Variants in PACSIN3 observed in about 807,000 individuals in gnomAD.
The protein encoded by PACSIN3 is protein kinase C and casein kinase substrate in neurons 3, also known as protein kinase C and casein kinase substrate in neurons protein 3.
In PACSIN3, 34 loss-of-function variants were observed where a neutral mutation model predicts 56.1. The ratio of observed to expected loss-of-function variants is 0.61; its 90% CI spans 0.46 to 0.81. The LOEUF (loss-of-function observed/expected upper bound fraction) is 0.81, where lower values mean the gene tolerates loss of function less well. PACSIN3 is among the 30% of genes least tolerant of loss of function. The pLI, the probability that PACSIN3 is intolerant of heterozygous loss-of-function variation, is 0.00. For synonymous variants in PACSIN3, 218 were observed against 229.8 expected (o/e 0.95, Z 0.46); for missense variants, 535 against 592.4 (o/e 0.90, Z 1.01).
chr11:47,180,255 G>A lies in PACSIN3; in HGVS notation c.534C>T (p.Ser178=), dbSNP rs757754662. 3.8e-5 allele frequency: 61 copies of A among 1,603,700 alleles called. No individual in the cohort carries two copies. In the Admixed American group the frequency reaches 9.2e-4, roughly 24 times the overall value. Residue 178 remains serine (S), a synonymous_variant, in exon 6 of 11, where the codon AGC becomes AGT. Transcript: ENST00000298838. ...TGCGCAGCTGCTCCTGGGAGACGGC[G>A]CTGTCTGCCTTTGCGTGGCTCTCCC... ...QTRESHAKAD[S]AVSQEQLRKL...
chr11:47,179,826 T>A lies in PACSIN3; in HGVS notation c.604-240A>T, dbSNP rs549223453. The A allele has an allele frequency of 5.3e-6, 3 of 566,088 alleles. No individual in the cohort carries two copies. The South Asian group carries it at 7.2e-5, about 14-fold the overall frequency. The allele number at this position is 566,088 out of a possible 1,614,324, so 35.1% of individuals were successfully genotyped here. On this transcript the variant is annotated intron_variant, in intron 6 of 10. Transcript: ENST00000298838. The surrounding 1 kb of genome is among the most constrained non-coding windows in gnomAD (Gnocchi z 4.4). The stretch of plus-strand genomic sequence containing the variant: ...AATGAGGTCAACCTACAGGAAAGGA[T>A]GGGAGAAATCAGAAAAGGCTTCCTG...
In PACSIN3 at chr11:47,179,647, G is replaced by C; in HGVS notation, c.604-61C>G. On this transcript the variant is annotated intron_variant, in intron 6 of 10. Coordinates refer to ENST00000298838, the MANE Select transcript of PACSIN3 (RefSeq NM_016223.5). The surrounding 1 kb of genome is among the most constrained non-coding windows in gnomAD (Gnocchi z 4.4). ...CCTTCTTCCACCCAGGACTCCACCAGTGTTTACCAGACACTGCCATAGGCT... is the reference window on the plus strand; with the variant it reads ...CCTTCTTCCACCCAGGACTCCACCACTGTTTACCAGACACTGCCATAGGCT... 1 of 1,535,880 alleles carries C rather than the reference G, an allele frequency of 6.5e-7. No homozygotes were observed. Among genetic ancestry groups the C allele is most frequent in the Non-Finnish European group, 8.9e-7 (1 of 1,127,386 alleles).
chr11:47,177,793 G>C lies in PACSIN3; in HGVS notation c.*138C>G, dbSNP rs527729365. 1.4e-6 allele frequency: 1 copy of C among 709,306 alleles called. No individual in the cohort carries two copies. The highest frequency in any genetic ancestry group is 1.6e-5 in the South Asian group (1 of 63,414). The allele number at this position is 709,306 out of a possible 1,614,324, so 43.9% of individuals were successfully genotyped here. The stretch of plus-strand genomic sequence containing the variant: ...TAGACAAAGGCCCCTCCCCTCCCTG[G>C]GTCCCAGGACTTCCTCCCTCAAGGG... On this transcript the variant is annotated 3_prime_UTR_variant, in exon 11 of 11. Coordinates refer to ENST00000298838, the MANE Select transcript of PACSIN3 (RefSeq NM_016223.5).
chr11:47,181,805 C>T (rs1285604826), intron 4 of PACSIN3, among the ~76,000 whole-genome samples: 5 of 151,950 alleles, frequency 3.3e-5, no homozygotes, highest in African/African-American at 9.7e-5. Context: ...TGTACCACTG[C>T]ACTCCAGCCT....
In PACSIN3 at chr11:47,186,381, GTCCGGCCACGC is replaced by G. The variant is rs1398545965; in HGVS notation, c.-147_-137del. The G allele has an allele frequency of 1.3e-5, 2 of 151,294 alleles. No homozygotes were observed. The highest frequency in any genetic ancestry group is 2.4e-5 in the African/African-American group (1 of 41,330). 9.4% of individuals were successfully genotyped at this position (151,294 alleles called of 1,614,324 possible). The stretch of plus-strand genomic sequence containing the variant: ...TCCCTGGGCCCCTCGGCGGGTGGGG[GTCCGGCCACGC>G]TCCGGCCCGAGTCCTGCCGCTCCTG... On this transcript the variant is annotated 5_prime_UTR_variant, in exon 1 of 11. Transcript: ENST00000298838. The surrounding 1 kb of genome is among the most constrained non-coding windows in gnomAD (Gnocchi z 4.5).
chr11:47,178,277 T>C lies in PACSIN3; in HGVS notation c.1159+89A>G. The C allele has an allele frequency of 6.6e-7, 1 of 1,526,440 alleles. No homozygotes were observed. Among genetic ancestry groups the C allele is most frequent in the South Asian group, 1.2e-5 (1 of 83,516 alleles). The allele number at this position is 1,526,440 out of a possible 1,614,324, so 94.6% of individuals were successfully genotyped here. A position where few individuals can be genotyped will look rare whatever the true frequency, so the allele number is the denominator to read the frequency against. The stretch of plus-strand genomic sequence containing the variant: ...GCTGAAGGGACAGAGGACTGGCCCT[T>C]AAGAAGTGGGTATTTGGCTTCCCTT... On this transcript the variant is annotated intron_variant, in intron 10 of 10. Coordinates refer to ENST00000298838, the MANE Select transcript of PACSIN3 (RefSeq NM_016223.5). The surrounding 1 kb of genome is among the most constrained non-coding windows in gnomAD (Gnocchi z 4.2).
chr11:47,179,669 G>GGCTGCTAGACCCAGGGCTA lies in PACSIN3; in HGVS notation c.604-102_604-84dup. The GGCTGCTAGACCCAGGGCTA allele has an allele frequency of 1.4e-6, 2 of 1,414,440 alleles. No individual in the cohort carries two copies. Among genetic ancestry groups the GGCTGCTAGACCCAGGGCTA allele is most frequent in the Non-Finnish European group, 9.7e-7 (1 of 1,036,100 alleles). The allele number at this position is 1,414,440 out of a possible 1,614,324, so 87.6% of individuals were successfully genotyped here. Reference sequence around the variant, plus strand: ...CCAGTGTTTACCAGACACTGCCATAGGCTGCTAGACCCAGGGCTAGCCACT... The same window carrying GGCTGCTAGACCCAGGGCTA: ...CCAGTGTTTACCAGACACTGCCATAGGCTGCTAGACCCAGGGCTAGCTGCTAGACCCAGGGCTAGCCACT... On this transcript the variant is annotated intron_variant, in intron 6 of 10. Transcript: ENST00000298838. The surrounding 1 kb of genome is among the most constrained non-coding windows in gnomAD (Gnocchi z 4.4).
chr11:47,180,413 A>C, intron 5 of PACSIN3, 42 bp downstream of exon 5: 2 of 1,595,230 alleles, frequency 1.3e-6, no homozygotes, highest in Non-Finnish European at 1.7e-6. Context: ...GCAAACAAAC[A>C]GGAAGGAGCC....
chr11:47,182,860 TC>T, intron 2 of PACSIN3, 96 bp from the exon 3 acceptor site: 1 of 866,728 alleles, frequency 1.2e-6, no homozygotes, highest in Non-Finnish European at 1.7e-6. Flanking sequence ...CCCACTGCCA[TC>T]CCCACCACCC....
rs543705339 is a variant in PACSIN3 at position 47,180,533 on chromosome 11, C to G, written c.369G>C (p.Leu123=). 9.3e-5 allele frequency: 149 copies of G among 1,604,130 alleles called. 1 individual carries two copies. Among genetic ancestry groups the G allele is most frequent in the Non-Finnish European group, 1.2e-4 (138 of 1,179,506 alleles). The stretch of plus-strand genomic sequence containing the variant: ...CCGCCCGGCTCTCGCGGAAGCCGCC[C>G]AGCACAGGCCGGTGGAAAGCCCCCC... The part of the protein sequence containing the change: ...WQRGAFHRPV[L]GGFRESRAAE... The change falls in exon 5 of 11, where the codon CTG becomes CTC. Residue 123 remains leucine (L), a synonymous_variant. Coordinates refer to ENST00000298838, the MANE Select transcript of PACSIN3 (RefSeq NM_016223.5).
chr11:47,177,684 A>G lies in PACSIN3; in HGVS notation c.*247T>C. 5.6e-6 allele frequency: 3 copies of G among 533,526 alleles called. No individual in the cohort carries two copies. The highest frequency in any genetic ancestry group is 3.3e-5 in the East Asian group (1 of 30,436). 33.0% of individuals were successfully genotyped at this position (533,526 alleles called of 1,614,324 possible). A position where few individuals can be genotyped will look rare whatever the true frequency, so the allele number is the denominator to read the frequency against. ...GAGTCCACAGCTCCTGGGGAGGCCCAGGCACCCCTGAACGCTTCTGTCACC... is the reference window on the plus strand; with the variant it reads ...GAGTCCACAGCTCCTGGGGAGGCCCGGGCACCCCTGAACGCTTCTGTCACC... On this transcript the variant is annotated 3_prime_UTR_variant, in exon 11 of 11. Coordinates refer to ENST00000298838, the MANE Select transcript of PACSIN3 (RefSeq NM_016223.5).
In PACSIN3 at chr11:47,179,868, C is replaced by T. The variant is rs780523265; in HGVS notation, c.604-282G>A. ...GGCTTCCTGGAGGAGGTGGAAACTG[C>T]AGCATCTCAGGATGGGGAGGATTTG... is the stretch of plus-strand genomic sequence containing the variant. On this transcript the variant is annotated intron_variant, in intron 6 of 10. Transcript: ENST00000298838. The surrounding 1 kb of genome is among the most constrained non-coding windows in gnomAD (Gnocchi z 4.4). 1.2e-4 allele frequency: 68 copies of T among 557,808 alleles called. 1 individual carries two copies. Among genetic ancestry groups the T allele is most frequent in the Non-Finnish European group, 1.7e-4 (54 of 315,460 alleles). The allele number at this position is 557,808 out of a possible 1,614,324, so 34.6% of individuals were successfully genotyped here.
At position 47,179,468 on chromosome 11, in the gene PACSIN3, A is replaced by G. The variant is rs749939339; in HGVS notation, c.722T>C (p.Phe241Ser). Residue 241 changes from phenylalanine (F) to serine (S), a missense_variant, in exon 7 of 11, where the codon TTC (phenylalanine) becomes TCC (serine). Physicochemically the swap from Phe to Ser is radical, Grantham distance 155 (BLOSUM62 -2). Transcript: ENST00000298838. This position sits in a 1 kb window ranked among gnomAD's most constrained non-coding sequence, Gnocchi z 4.4. ...TAAGGTGAGCAGCATATCCTTGAAG[A>G]AAAGAAGCCGCTGGCGCTCGGCGGC... Reference protein sequence around the residue: ...CQAAERQRLLFFKDMLLTLHQ... With the variant: ...CQAAERQRLLSFKDMLLTLHQ... 2 of 1,614,030 alleles carry G rather than the reference A, an allele frequency of 1.2e-6. No individual in the cohort carries two copies.
intron 4 of PACSIN3, 123 bp downstream of exon 4, chr11:47,182,280 T>C: frequency 1.1e-6 from 1 of 892,070 alleles, no homozygotes; most frequent in Non-Finnish European, 1.7e-6. Flanking sequence ...ACCAGGAGGA[T>C]CTTCCCTTTC....
Position 47,178,298 on chromosome 11 carries a change from C to T in PACSIN3, c.1159+68G>A. ...CCCTTAAGAAGTGGGTATTTGGCTT[C>T]CCTTTCTGACACCCCTGCTCAGGCA... On this transcript the variant is annotated intron_variant, in intron 10 of 10. Coordinates refer to ENST00000298838, the MANE Select transcript of PACSIN3 (RefSeq NM_016223.5). The surrounding 1 kb of genome is among the most constrained non-coding windows in gnomAD (Gnocchi z 4.2). 1 of 1,585,018 alleles carries T rather than the reference C, an allele frequency of 6.3e-7. No homozygotes were observed. The highest frequency in any genetic ancestry group is 1.1e-5 in the South Asian group (1 of 87,914).
Position 47,182,720 on chromosome 11 carries a change from G to A in PACSIN3, c.8C>T (p.Pro3Leu). Reference protein sequence around the residue: MAPEEDAGGEALG... With the variant: MALEEDAGGEALG... The stretch of plus-strand genomic sequence containing the variant: ...GGCCTCCCCTCCAGCGTCCTCTTCT[G>A]GAGCCATGGTGTCCCCGCAGCACGG... Residue 3 changes from proline to leucine, a missense_variant, in exon 3 of 11, where the codon CCA (proline) becomes CTA (leucine). By Grantham distance (98) the Pro-to-Leu change is moderately conservative. Coordinates refer to ENST00000298838, the MANE Select transcript of PACSIN3 (RefSeq NM_016223.5). The A allele has an allele frequency of 6.2e-7, 1 of 1,612,594 alleles. No individual in the cohort carries two copies. Among genetic ancestry groups the A allele is most frequent in the Non-Finnish European group, 8.5e-7 (1 of 1,179,322 alleles).
In PACSIN3 at chr11:47,180,694, C is replaced by A; in HGVS notation, c.212-4G>T. On this transcript the variant is annotated splice_polypyrimidine_tract_variant and splice_region_variant and intron_variant, in intron 4 of 10. Transcript: ENST00000298838. ...TCCAGTGTGCCATACTGGGGGCCTG[C>A]AGGGAGGGACAGGGCTTAGGCCAGG... 3.1e-6 allele frequency: 5 copies of A among 1,588,644 alleles called. No individual in the cohort carries two copies. The South Asian group carries it at 5.6e-5, about 18-fold the overall frequency.
At position 47,178,011 on chromosome 11, in the gene PACSIN3, G is replaced by C. The variant is rs755999542; in HGVS notation, c.1195C>G (p.Gln399Glu). Residue 399 changes from glutamine (Q) to glutamate (E), a missense_variant, in exon 11 of 11, where the codon CAG (glutamine) becomes GAG (glutamate). Transcript: ENST00000298838. This position sits in a 1 kb window ranked among gnomAD's most constrained non-coding sequence, Gnocchi z 4.2. ...ELLKMSEEDEQGWCQGQLQSG... is the reference protein window; with the variant it reads ...ELLKMSEEDEEGWCQGQLQSG... The stretch of plus-strand genomic sequence containing the variant: ...TGCAACTGGCCTTGGCACCAGCCCT[G>C]CTCGTCCTCCTCACTCATCTTCAGC... 53 of 1,613,912 alleles carry C rather than the reference G, an allele frequency of 3.3e-5. No homozygotes were observed. The highest frequency in any genetic ancestry group is 4.2e-5 in the Non-Finnish European group (50 of 1,179,950).
chr11:47,177,988 C>T lies in PACSIN3; in HGVS notation c.1218G>A (p.Leu406=). The change falls in exon 11 of 11, where the codon TTG becomes TTA. Residue 406 remains leucine, a synonymous_variant. Coordinates refer to ENST00000298838, the MANE Select transcript of PACSIN3 (RefSeq NM_016223.5). ...EDEQGWCQGQ[L]QSGRIGLYPA... ...GGTACAGGCCAATGCGGCCACTCTG[C>T]AACTGGCCTTGGCACCAGCCCTGCT... 1 of 1,614,154 alleles carries T rather than the reference C, an allele frequency of 6.2e-7. No homozygotes were observed. The highest frequency in any genetic ancestry group is 8.5e-7 in the Non-Finnish European group (1 of 1,180,006).
Sources: gnomAD v4.1 joint callset for allele counts (sites outside exome capture counted in the v4.1 genomes callset) on GRCh38, gnomAD v4.1.1 for gene constraint, Gnocchi (gnomAD v3.1) non-coding constraint, MANE v1.5 for transcripts, NCBI Gene and HGNC (gene_info 2026-07-23, HGNC 2026-07-21) for gene names.